PIP5K1B: variants seen among roughly 807,000 people sequenced by gnomAD.
PIP5K1B encodes the protein phosphatidylinositol-4-phosphate 5-kinase type 1 beta.
In PIP5K1B, 42 loss-of-function variants were observed where a neutral mutation model predicts 67.0. That is an observed-to-expected ratio of 0.63 (90% confidence interval 0.49 to 0.81). The LOEUF (loss-of-function observed/expected upper bound fraction) is 0.81, where lower values mean the gene tolerates loss of function less well. Ranked by LOEUF, PIP5K1B falls within the 30% of genes least tolerant of loss-of-function variation. PIP5K1B has a pLI of 0.00. For missense variants in PIP5K1B, 459 were observed against 646.3 expected (o/e 0.71, Z 3.14); for synonymous variants, 214 against 231.4 (o/e 0.92, Z 0.68).
chr9:68,897,265 A>C (rs1167490318), intron 8 of PIP5K1B, among the ~76,000 whole-genome samples: 1 of 152,238 alleles, frequency 6.6e-6, no homozygotes, highest in Non-Finnish European at 1.5e-5. Context: ...AGGCAGAGAA[A>C]GGTGAACTAA....
At chr9:68,986,863 A>G (rs1223311417) in intron 14 of PIP5K1B, among the ~76,000 whole-genome samples, 1 of 152,214 alleles carries the variant, frequency 6.6e-6, no homozygotes, top group Non-Finnish European at 1.5e-5. Flanking sequence ...GTTTGCCTCT[A>G]GGGAGGAGAA....
chr9:68,857,296 A>AGAAATGATTT (rs1481360028), intron 4 of PIP5K1B, among the ~76,000 whole-genome samples: 1 of 152,238 alleles, frequency 6.6e-6, no homozygotes, highest in African/African-American at 2.4e-5. Context: ...GAAGAACTTG[A>AGAAATGATTT]GAAATGATTT....
intron 2 of PIP5K1B, among the ~76,000 whole-genome samples, chr9:68,754,551 G>A (rs564192709): frequency 2.0e-5 from 3 of 152,014 alleles, no homozygotes; most frequent in South Asian, 4.1e-4. Flanking sequence ...TTTCTTTTAT[G>A]AATGTGAATT....
chr9:68,995,234 A>AG (rs1830552390), intron 15 of PIP5K1B, among the ~76,000 whole-genome samples: 1 of 151,318 alleles, frequency 6.6e-6, no homozygotes, highest in African/African-American at 2.5e-5. Context: ...GGGGAGAAAG[A>AG]AAGAGAGAAA....
At chr9:68,878,587 T>C (rs1161293616) in intron 6 of PIP5K1B, among the ~76,000 whole-genome samples, 1 of 152,200 alleles carries the variant, frequency 6.6e-6, no homozygotes, top group Admixed American at 6.5e-5. Context: ...AGTGGACACT[T>C]TGAACACCAA....
intron 8 of PIP5K1B, among the ~76,000 whole-genome samples, chr9:68,903,229 A>G (rs941558214): frequency 2.0e-5 from 3 of 152,162 alleles, no homozygotes; most frequent in African/African-American, 4.8e-5. Context: ...CTTGGTGTCA[A>G]TCTTCTGATG....
intron 4 of PIP5K1B, among the ~76,000 whole-genome samples, chr9:68,822,975 G>A (rs1474232260): frequency 2.0e-5 from 3 of 152,016 alleles, no homozygotes; most frequent in Admixed American, 6.6e-5. Context: ...TGTCTTTTCC[G>A]GCTTCTAGAG....
intron 1 of PIP5K1B, among the ~76,000 whole-genome samples, chr9:68,731,782 G>GATCTTTTTTGTTGTTGTT (rs1828444233): frequency 6.6e-6 from 1 of 152,176 alleles, no homozygotes; most frequent in Non-Finnish European, 1.5e-5. Flanking sequence ...AGAAAGGCTG[G>GATCTTTTTTGTTGTTGTT]TACACAGGGC....
chr9:68,920,795 CACACACAT>C (rs1226494877), intron 11 of PIP5K1B, among the ~76,000 whole-genome samples: 1 of 142,452 alleles, frequency 7.0e-6, no homozygotes, highest in Non-Finnish European at 1.5e-5. Flanking sequence ...CACACACATA[CACACACAT>C]ACACACACAC....
chr9:68,738,969 G>A lies in PIP5K1B; in HGVS notation c.-242-3532G>A, dbSNP rs1043680844. ...ATGAGCCTATACCCTCTTCTTCACC[G>A]GCCAAAAAAGTTCTCCATGGCTTTA... On this transcript the variant is annotated intron_variant, in intron 1 of 15. Transcript: ENST00000265382. 5.3e-5 allele frequency among the ~76,000 whole-genome samples: 8 copies of A among 151,660 alleles called. No homozygotes were observed. The East Asian group carries it at 9.7e-4, about 18-fold the overall frequency.
intron 14 of PIP5K1B, among the ~76,000 whole-genome samples, chr9:68,955,936 C>T (rs1245633061): frequency 6.6e-6 from 1 of 152,048 alleles, no homozygotes; most frequent in Non-Finnish European, 1.5e-5. Context: ...TTTAATGCAC[C>T]CATCAACCCT....
intron 1 of PIP5K1B, among the ~76,000 whole-genome samples, chr9:68,729,297 T>C (rs1040841041): frequency 2.0e-5 from 3 of 152,178 alleles, no homozygotes; most frequent in Admixed American, 6.5e-5. Flanking sequence ...ACTTTTCAAA[T>C]TCTTCTACTT....
intron 7 of PIP5K1B, 66 bp from the exon 8 acceptor site, chr9:68,894,272 CT>C: frequency 2.1e-6 from 2 of 968,918 alleles, no homozygotes; most frequent in East Asian, 2.4e-5. Flanking sequence ...GAAAACACAT[CT>C]TTAGTGGAGC....
intron 2 of PIP5K1B, among the ~76,000 whole-genome samples, chr9:68,774,698 G>C (rs1830828782): frequency 3.3e-5 from 5 of 152,126 alleles, no homozygotes; most frequent in Admixed American, 1.3e-4. Context: ...CCTCATCCAA[G>C]GGGAAACATT....
At chr9:68,961,149 G>A (rs970629845) in intron 14 of PIP5K1B, among the ~76,000 whole-genome samples, 5 of 151,642 alleles carry the variant, frequency 3.3e-5, no homozygotes, top group African/African-American at 1.2e-4. Context: ...AGCGGAGCTT[G>A]CAGTGAGCCG....
At chr9:68,723,694 GGT>G (rs1491360088) in intron 1 of PIP5K1B, among the ~76,000 whole-genome samples, 25 of 36,680 alleles carry the variant, frequency 6.8e-4, no homozygotes, top group East Asian at 1.6e-3. Context: ...TGAAGTATTT[GGT>G]TTTTTTTTTT....
intron 14 of PIP5K1B, among the ~76,000 whole-genome samples, chr9:68,972,474 CTACAAAAAA>C (rs1829424755): frequency 6.6e-6 from 1 of 152,074 alleles, no homozygotes; most frequent in Admixed American, 6.5e-5. Context: ...AACCCCGTCT[CTACAAAAAA>C]TACAAAAATT....
chr9:68,826,993 C>T (rs1834021428), intron 4 of PIP5K1B, among the ~76,000 whole-genome samples: 1 of 152,186 alleles, frequency 6.6e-6, no homozygotes, highest in South Asian at 2.1e-4. Context: ...CTCAGGCAAT[C>T]GACCCACCTC....
chr9:68,814,398 T>C (rs1833326787), intron 2 of PIP5K1B, among the ~76,000 whole-genome samples: 1 of 152,092 alleles, frequency 6.6e-6, no homozygotes, highest in Non-Finnish European at 1.5e-5. Flanking sequence ...AACAAAACAT[T>C]GTTATAGGCA....
Sources: gnomAD v4.1 joint callset for allele counts (sites outside exome capture counted in the v4.1 genomes callset) on GRCh38, gnomAD v4.1.1 for gene constraint, MANE v1.5 for transcripts, NCBI Gene and HGNC (gene_info 2026-07-23, HGNC 2026-07-21) for gene names.